Variants in LCOR observed in about 807,000 individuals in gnomAD.
LCOR encodes the protein ligand-dependent corepressor.
Under a neutral mutation model 64.4 loss-of-function variants are expected in LCOR, and 14 were observed. The observed-to-expected ratio is 0.22, with a 90% CI of 0.14 to 0.34. The LOEUF is 0.34. Ranked by LOEUF, LCOR falls within the 10% of genes least tolerant of loss-of-function variation. The pLI is 1.00. For synonymous variants in LCOR, 643 were observed against 642.5 expected (o/e 1.00, Z -0.01); for missense variants, 1,686 against 1,765.3 (o/e 0.96, Z 0.80).
chr10:96,971,107 C>T (rs907050548), intron 7 of LCOR, among the ~76,000 whole-genome samples: 1 of 152,068 alleles, frequency 6.6e-6, no homozygotes, highest in Non-Finnish European at 1.5e-5. Flanking sequence ...GTTTTAAAGC[C>T]ATTATGTAAA....
chr10:96,911,162 A>C (rs943206776), intron 4 of LCOR, among the ~76,000 whole-genome samples: 3 of 134,344 alleles, frequency 2.2e-5, no homozygotes, highest in African/African-American at 8.7e-5. Flanking sequence ...CAGTGGTGTC[A>C]TCTTGGCTCA....
At chr10:96,945,628 C>T (rs1196757861) in intron 5 of LCOR, among the ~76,000 whole-genome samples, 1 of 152,028 alleles carries the variant, frequency 6.6e-6, no homozygotes, top group East Asian at 1.9e-4. Context: ...GTATAAACAA[C>T]TTATAGAGCA....
Position 96,969,167 on chromosome 10 carries a change from G to A in LCOR, c.333-11626G>A, listed in dbSNP as rs186373482. On this transcript the variant is annotated intron_variant, in intron 7 of 7. Transcript: ENST00000421806. ...CACCTGATGGGCATGAATTTAGTGT[G>A]AGGGATAGAAGAGTGAGAAAGTCAG... Among the ~76,000 whole-genome samples the A allele has an allele frequency of 5.3e-5, 8 of 152,334 alleles. No individual in the cohort carries two copies. In the East Asian group the frequency reaches 1.5e-3, roughly 29 times the overall value.
At chr10:96,934,156 A>G (rs1057494919) in intron 4 of LCOR, among the ~76,000 whole-genome samples, 1 of 152,232 alleles carries the variant, frequency 6.6e-6, no homozygotes, top group Admixed American at 6.5e-5. Context: ...AGAGGATTCA[A>G]ATAAGATGGT....
chr10:96,989,695 A>ATATATATAT lies in LCOR; in HGVS notation c.*4562_*4563insATATATATT, dbSNP rs1371771053. 10 of 86,190 alleles carry ATATATATAT rather than the reference A, an allele frequency of 1.2e-4. No homozygotes were observed. Among genetic ancestry groups the ATATATATAT allele is most frequent in the Non-Finnish European group, 2.0e-4 (10 of 50,724 alleles). 5.3% of individuals were successfully genotyped at this position (86,190 alleles called of 1,614,324 possible). A position where few individuals can be genotyped will look rare whatever the true frequency, so the allele number is the denominator to read the frequency against. On this transcript the variant is annotated 3_prime_UTR_variant, in exon 8 of 8. Transcript: ENST00000421806. ...TAAGGATATATATATATATATATAT[A>ATATATATAT]TTTTTTTTTTTTTTTTTTTTTTTTA...
rs1554835305 is a variant in LCOR, at chr10:96,897,069, G to GAGAGAGAA, written c.-329-10191_-329-10190insGAAAGAGA. On this transcript the variant is annotated intron_variant, in intron 2 of 7. Coordinates refer to ENST00000421806, the MANE Select transcript of LCOR (RefSeq NM_001346516.2). Reference sequence around the variant, plus strand: ...CCAAGGAATGAGAGAGAGAGAGAGAGAGAGAAAGAGAAAGAGAAAGAGAAA... The same window carrying GAGAGAGAA: ...CCAAGGAATGAGAGAGAGAGAGAGAGAGAGAGAAAGAGAAAGAGAAAGAGAAAGAGAAA... Among the ~76,000 whole-genome samples the GAGAGAGAA allele has an allele frequency of 2.7e-4, 32 of 116,408 alleles. No individual in the cohort carries two copies. The South Asian group carries it at 5.2e-3, about 19-fold the overall frequency. 76.4% of individuals were successfully genotyped at this position (116,408 alleles called of 152,430 possible).
intron 4 of LCOR, among the ~76,000 whole-genome samples, chr10:96,921,871 C>G (rs1291182813): frequency 2.6e-5 from 4 of 152,212 alleles, no homozygotes; most frequent in Non-Finnish European, 5.9e-5. Flanking sequence ...AATCATCTGA[C>G]CACATCTGAG....
At chr10:96,845,087 A>G (rs544689414) in intron 2 of LCOR, among the ~76,000 whole-genome samples, 72 of 152,300 alleles carry the variant, frequency 4.7e-4, no homozygotes, top group African/African-American at 1.7e-3. Context: ...AATTACTGAG[A>G]AGGAGAAGAA....
At chr10:96,976,560 C>T (rs915377960) in intron 7 of LCOR, among the ~76,000 whole-genome samples, 6 of 152,042 alleles carry the variant, frequency 3.9e-5, no homozygotes, top group Non-Finnish European at 8.8e-5. Flanking sequence ...GCTGCATGGC[C>T]CTTTGGAAGA....
intron 7 of LCOR, chr10:96,958,490 T>C: frequency 1.2e-6 from 1 of 862,402 alleles, no homozygotes; most frequent in Non-Finnish European, 1.9e-6. Context: ...ATTGTGTCAT[T>C]TCAGATTGTA....
chr10:96,941,651 G>T (rs1847482191), intron 4 of LCOR, among the ~76,000 whole-genome samples: 1 of 150,214 alleles, frequency 6.7e-6, no homozygotes, highest in African/African-American at 2.4e-5. Context: ...CAGACGGGGT[G>T]GCTGCCGGAC....
At chr10:96,846,369 C>T (rs1234755423) in intron 2 of LCOR, among the ~76,000 whole-genome samples, 1 of 152,088 alleles carries the variant, frequency 6.6e-6, no homozygotes, top group Admixed American at 6.6e-5. Context: ...ATCCTCCCAC[C>T]TGAGCCTCCT....
At chr10:96,932,848 G>C (rs941745018) in intron 4 of LCOR, among the ~76,000 whole-genome samples, 8 of 152,052 alleles carry the variant, frequency 5.3e-5, no homozygotes, top group Non-Finnish European at 8.8e-5. Context: ...AATACAAATT[G>C]GTATAACTTT....
rs1162598817 is a variant in LCOR at position 96,985,559 on chromosome 10, C to G, written c.*425C>G. On this transcript the variant is annotated 3_prime_UTR_variant, in exon 8 of 8. Transcript: ENST00000421806. ...ATAAAAGGAGCTTTTCAGCAGCCAC[C>G]CTGCAGCATCTGCCCACGAACAGAT... 2 of 168,474 alleles carry G rather than the reference C, an allele frequency of 1.2e-5. No homozygotes were observed. The highest frequency in any genetic ancestry group is 4.8e-5 in the African/African-American group (2 of 41,472). The allele number at this position is 168,474 out of a possible 1,614,324, so 10.4% of individuals were successfully genotyped here.
chr10:96,897,138 TCA>T (rs1846553432), intron 2 of LCOR, among the ~76,000 whole-genome samples: 1 of 150,340 alleles, frequency 6.7e-6, no homozygotes, highest in South Asian at 2.1e-4. Context: ...TGCTTACCTC[TCA>T]CAGTGTAATT....
chr10:96,942,304 G>T lies in LCOR; in HGVS notation c.-183-1809G>T, dbSNP rs1229894411. 4.8e-5 allele frequency among the ~76,000 whole-genome samples: 7 copies of T among 145,280 alleles called. No individual in the cohort carries two copies. In the South Asian group the frequency reaches 1.4e-3, roughly 29 times the overall value. On this transcript the variant is annotated intron_variant, in intron 4 of 7. Coordinates refer to ENST00000421806, the MANE Select transcript of LCOR (RefSeq NM_001346516.2). ...AAAAAAAAACGAAAACCAGTCAGGC[G>T]TGGCGGCGCGCGCCTGCAATCGCAG...
intron 4 of LCOR, among the ~76,000 whole-genome samples, chr10:96,928,207 T>C (rs1350445981): frequency 6.6e-6 from 1 of 152,180 alleles, no homozygotes; most frequent in Non-Finnish European, 1.5e-5. Context: ...GTGAGGCTGT[T>C]TGCATTTTAC....
At chr10:96,868,205 A>G (rs146845734) in intron 2 of LCOR, among the ~76,000 whole-genome samples, 1 of 151,038 alleles carries the variant, frequency 6.6e-6, no homozygotes, top group Non-Finnish European at 1.5e-5. Context: ...TTTAATGGGG[A>G]TGGATGTCCT....
chr10:96,833,049 CG>C (rs927943300), intron 1 of LCOR: 3 of 986,136 alleles, frequency 3.0e-6, no homozygotes, highest in African/African-American at 1.7e-5. Flanking sequence ...GTCATGGCCG[CG>C]GGGGGCAGCG....
Sources: allele counts gnomAD v4.1 joint callset (sites outside exome capture counted in the v4.1 genomes callset), GRCh38; gene constraint gnomAD v4.1.1; transcripts MANE v1.5; gene names NCBI Gene and HGNC (gene_info 2026-07-23, HGNC 2026-07-21).